The following MAPDA variants were observed in gnomAD, a reference collection of about 807,000 sequenced individuals.
MAPDA encodes N6,N6-dimethyl-AMP deaminase.
the MAPDA span, among the ~76,000 whole-genome samples, chr15:43,347,388 C>T: frequency 1.3e-5 from 2 of 152,116 alleles, no homozygotes; most frequent in African/African-American, 4.8e-5. Context: ...CAACATCAGT[C>T]TTGTCATTGG....
chr15:43,335,577 T>G, the MAPDA span: 2 of 1,160,688 alleles, frequency 1.7e-6, no homozygotes, highest in South Asian at 1.7e-5. Context: ...TTGTAAACTT[T>G]ATTATGTAGC....
At chr15:43,343,492 A>G in the MAPDA span, among the ~76,000 whole-genome samples, 669 of 152,220 alleles carry the variant, frequency 4.4e-3, 8 homozygotes, top group African/African-American at 0.016. Context: ...CCCAGAACAC[A>G]TTTCTACCAG....
chr15:43,330,985 A>G, the MAPDA span: 1 of 152,696 alleles, frequency 6.5e-6, no homozygotes, highest in African/African-American at 2.4e-5. Flanking sequence ...TTGGGTGCTA[A>G]TAGTTGCTGA....
At chr15:43,350,462 T>C in the MAPDA span, among the ~76,000 whole-genome samples, 3 of 152,200 alleles carry the variant, frequency 2.0e-5, no homozygotes, top group African/African-American at 7.2e-5. Flanking sequence ...TAAAAGCGTT[T>C]AGGGGTTCTT....
the MAPDA span, among the ~76,000 whole-genome samples, chr15:43,350,316 CA>C: frequency 6.6e-6 from 1 of 150,778 alleles, no homozygotes; most frequent in South Asian, 2.1e-4. Context: ...CTGACCTCAT[CA>C]TCCACCCACC....
the MAPDA span, among the ~76,000 whole-genome samples, chr15:43,337,112 C>T: frequency 7.3e-6 from 1 of 137,664 alleles, no homozygotes; most frequent in African/African-American, 2.6e-5. Flanking sequence ...ACTAAAAATA[C>T]AAAAAAAAAA....
chr15:43,340,603 G>A, the MAPDA span, among the ~76,000 whole-genome samples: 1 of 152,134 alleles, frequency 6.6e-6, no homozygotes, highest in Non-Finnish European at 1.5e-5. Context: ...ATAGCTCACT[G>A]TAACCACAAA....
chr15:43,334,292 C>G, the MAPDA span, among the ~76,000 whole-genome samples: 1 of 151,992 alleles, frequency 6.6e-6, no homozygotes, highest in African/African-American at 2.4e-5. Context: ...ATGCCAGCAC[C>G]TCTGTTCTTC....
At chr15:43,343,082 AG>A in the MAPDA span, 9 of 1,545,246 alleles carry the variant, frequency 5.8e-6, no homozygotes, top group Middle Eastern at 1.7e-4. Context: ...TTAGGTAAGA[AG>A]ATTGTACCTT....
chr15:43,343,041 C>T, the MAPDA span: 1 of 1,589,124 alleles, frequency 6.3e-7, no homozygotes, highest in Admixed American at 1.8e-5. Flanking sequence ...AGGTATAAAA[C>T]AGTCCAAACA....
At chr15:43,336,597 T>G in the MAPDA span, 1 of 1,536,732 alleles carries the variant, frequency 6.5e-7, no homozygotes, top group Non-Finnish European at 8.7e-7. Context: ...ATGACTAGAT[T>G]ATGTTAAAAC....
At chr15:43,345,834 C>A in the MAPDA span, 3 of 1,613,958 alleles carry the variant, frequency 1.9e-6, no homozygotes, top group Non-Finnish European at 2.5e-6. Flanking sequence ...GTTTTCAACT[C>A]TGTCTTTCTT....
chr15:43,353,446 G>A, the MAPDA span: 2 of 152,138 alleles, frequency 1.3e-5, no homozygotes, highest in African/African-American at 4.8e-5. Flanking sequence ...CTGTCTTTCT[G>A]TGATATCGTA....
chr15:43,342,565 CAT>C, the MAPDA span, among the ~76,000 whole-genome samples: 2 of 151,454 alleles, frequency 1.3e-5, no homozygotes, highest in East Asian at 1.9e-4. Flanking sequence ...GCTTGGGCAA[CAT>C]AGCAAAACCC....
the MAPDA span, chr15:43,345,788 G>C: frequency 6.3e-7 from 1 of 1,584,706 alleles, no homozygotes; most frequent in Non-Finnish European, 8.7e-7. Context: ...CTGTCTGGCT[G>C]TACTCAGAAT....
At chr15:43,330,632 C>T in the MAPDA span, 19 of 978,938 alleles carry the variant, frequency 1.9e-5, no homozygotes, top group Non-Finnish European at 2.4e-5. Context: ...TGCGTCACTT[C>T]CGGGAAGAGC....
At chr15:43,341,024 C>T in the MAPDA span, among the ~76,000 whole-genome samples, 2 of 152,136 alleles carry the variant, frequency 1.3e-5, no homozygotes, top group Non-Finnish European at 2.9e-5. Flanking sequence ...GTGGTAAAAC[C>T]TCTCTGGATA....
the MAPDA span, chr15:43,342,947 A>C: frequency 7.3e-7 from 1 of 1,363,016 alleles, no homozygotes; most frequent in East Asian, 2.4e-5. Flanking sequence ...TGAGGGATGA[A>C]ATAGTTGATG....
At chr15:43,348,256 G>C in the MAPDA span, among the ~76,000 whole-genome samples, 1 of 152,158 alleles carries the variant, frequency 6.6e-6, no homozygotes, top group South Asian at 2.1e-4. Context: ...CACTATGTGA[G>C]GAAAGTAACT....
Sources: allele counts gnomAD v4.1 joint callset (sites outside exome capture counted in the v4.1 genomes callset), GRCh38; gene constraint gnomAD v4.1.1; transcripts MANE v1.5; gene names NCBI Gene and HGNC (gene_info 2026-07-23, HGNC 2026-07-21).